Variants in LMF2 observed in about 807,000 individuals in gnomAD.
LMF2 encodes the protein transmembrane protein 112B.
A neutral mutation model predicts 81.5 loss-of-function variants in LMF2; 113 were observed. The observed-to-expected ratio is 1.39, with a 90% CI of 1.19 to 1.62. The LOEUF is 1.62. Among genes scored for constraint, LMF2 ranks in the 40% most tolerant of loss-of-function variants. The probability of loss-of-function intolerance (pLI) is 0.00; values close to 1 mark genes in which losing one functional copy is unlikely to be tolerated. For synonymous variants in LMF2, 645 were observed against 424.5 expected (o/e 1.52, Z -6.39); for missense variants, 1,235 against 929.1 (o/e 1.33, Z -4.28).
Position 50,503,109 on chromosome 22 carries a change from C to A in LMF2, c.*282G>T. ...AGGGTTGGGGGCTCTAGACTCAGAC[C>A]CCCACAGCCCAGGGCAGGGGAAGGG... On this transcript the variant is annotated 3_prime_UTR_variant, in exon 14 of 14. Coordinates refer to ENST00000474879, the MANE Select transcript of LMF2 (RefSeq NM_033200.3). 7.1e-6 allele frequency: 3 copies of A among 424,010 alleles called. No homozygotes were observed. The highest frequency in any genetic ancestry group is 1.3e-5 in the Non-Finnish European group (3 of 238,092). The allele number at this position is 424,010 out of a possible 1,614,324, so 26.3% of individuals were successfully genotyped here.
Position 50,506,890 on chromosome 22 carries a change from C to T in LMF2, c.240G>A (p.Leu80=). The T allele has an allele frequency of 6.3e-7, 1 of 1,585,046 alleles. No individual in the cohort carries two copies. Among genetic ancestry groups the T allele is most frequent in the Non-Finnish European group, 8.6e-7 (1 of 1,166,648 alleles). The change falls in exon 2 of 14, where the codon CTG becomes CTA. Residue 80 remains leucine, a synonymous_variant. Transcript: ENST00000474879. The stretch of plus-strand genomic sequence containing the variant: ...CCACTAGTGCACCCAGCAGGCTCAG[C>T]AGCTCCAGGCCCTGGGCCGTGTCCA... ...LGLDTAQGLE[L]LSLLGALVAL...
At position 50,507,031 on chromosome 22, in the gene LMF2, C is replaced by G; in HGVS notation, c.99G>C (p.Leu33=). The G allele has an allele frequency of 1.9e-6, 3 of 1,592,464 alleles. No homozygotes were observed. Among genetic ancestry groups the G allele is most frequent in the Non-Finnish European group, 2.5e-6 (3 of 1,176,514 alleles). ...FASLYTQIPG[L]YGPEGILPAR... is the part of the protein sequence containing the mutation. ...CAGGTAGGATGCCCTCGGGGCCATA[C>G]AGGCCTGTGGGAGGGCATGTCATGG... Residue 33 remains leucine, a synonymous_variant, in exon 2 of 14, where the codon CTG becomes CTC. Transcript: ENST00000474879.
Position 50,506,391 on chromosome 22 carries a change from G to C in LMF2, c.489C>G (p.His163Gln). Residue 163 changes from histidine (H) to glutamine (Q), a missense_variant, in exon 4 of 14, where the codon CAC becomes CAG. His to Gln is a conservative substitution (Grantham distance 24, BLOSUM62 0). Coordinates refer to ENST00000474879, the MANE Select transcript of LMF2 (RefSeq NM_033200.3). ...GCACCAGCCAGAAGGGGAGGTCTTC[G>C]TGGGGCAGGGCCCCTGCCTGCCTGC... Reference protein sequence around the residue: ...PQGRQAGALPHEDLPFWLVRW... With the variant: ...PQGRQAGALPQEDLPFWLVRW... The C allele has an allele frequency of 1.3e-6, 2 of 1,549,908 alleles. No individual in the cohort carries two copies. The highest frequency in any genetic ancestry group is 2.4e-5 in the East Asian group (1 of 41,044).
Position 50,506,662 on chromosome 22 carries a change from C to T in LMF2, c.353G>A (p.Gly118Asp), listed in dbSNP as rs569914579. 6 of 1,613,420 alleles carry T rather than the reference C, an allele frequency of 3.7e-6. No homozygotes were observed. The highest frequency in any genetic ancestry group is 5.1e-6 in the Non-Finnish European group (6 of 1,179,900). The change falls in exon 3 of 14, where the codon GGC (glycine) becomes GAC (aspartate). Residue 118 changes from glycine (G) to aspartate (D), a missense_variant. Coordinates refer to ENST00000474879, the MANE Select transcript of LMF2 (RefSeq NM_033200.3). Reference protein sequence around the residue: ...WAAYLSACQVGQVFLYFQWDS... With the variant: ...WAAYLSACQVDQVFLYFQWDS... Reference sequence around the variant, plus strand: ...CCACTGGAAATAAAGGAACACCTGGCCCACCTGCGGAGAGAGGGGCTGTCA... The same window carrying T: ...CCACTGGAAATAAAGGAACACCTGGTCCACCTGCGGAGAGAGGGGCTGTCA...
At position 50,503,804 on chromosome 22, in the gene LMF2, T is replaced by G; in HGVS notation, c.1815+4A>C. 1 of 1,604,348 alleles carries G rather than the reference T, an allele frequency of 6.2e-7. No homozygotes were observed. ...CTCCCCCAGCCTGGCTGACACCCCC[T>G]TACCTGTAGTCCAAACTGCCTGAGC... is the stretch of plus-strand genomic sequence containing the variant. On this transcript the variant is annotated splice_donor_region_variant and intron_variant, in intron 13 of 13. Transcript: ENST00000474879.
intron 1 of LMF2, 185 bp from the exon 2 acceptor site, chr22:50,507,220 G>A: frequency 2.0e-6 from 2 of 982,986 alleles, no homozygotes; most frequent in Non-Finnish European, 2.9e-6. Flanking sequence ...CCCGTCCCAG[G>A]GCTAGAGGCC....
Position 50,503,678 on chromosome 22 carries a change from G to C in LMF2, c.1837C>G (p.Arg613Gly). The stretch of plus-strand genomic sequence containing the variant: ...TGGGCCAGGGTGCTGTTGGCGCTGC[G>C]GGTGCGAGGTGGGCTTTTCTCCTGT... ...GLQEKSPPRT[R>G]SANSTLAQAL... The change falls in exon 14 of 14, where the codon CGC becomes GGC. Residue 613 changes from arginine (R) to glycine (G), a missense_variant. Arg to Gly is a moderately radical substitution (Grantham distance 125). Transcript: ENST00000474879. 3.1e-6 allele frequency: 5 copies of C among 1,593,918 alleles called. No individual in the cohort carries two copies. Among genetic ancestry groups the C allele is most frequent in the Non-Finnish European group, 4.3e-6 (5 of 1,175,084 alleles).
Position 50,504,373 on chromosome 22 carries a change from T to A in LMF2, c.1685A>T (p.Tyr562Phe). Residue 562 changes from tyrosine (Y) to phenylalanine (F), a missense_variant, in exon 12 of 14, where the codon TAC (tyrosine) becomes TTC (phenylalanine). Coordinates refer to ENST00000474879, the MANE Select transcript of LMF2 (RefSeq NM_033200.3). ...QPPTYVRAQR[Y>F]KYWFSQPGEQ... is the part of the protein sequence containing the mutation. ...CCCAGGCTGGGAGAACCAGTACTTG[T>A]AGCGCTGGGCTCGGACGTAGGTGGG... 6.2e-7 allele frequency: 1 copy of A among 1,612,024 alleles called. No homozygotes were observed. The highest frequency in any genetic ancestry group is 2.2e-5 in the East Asian group (1 of 44,836).
Position 50,505,553 on chromosome 22 carries a change from G to C in LMF2, c.917-16C>G, listed in dbSNP as rs753445391. On this transcript the variant is annotated splice_polypyrimidine_tract_variant and intron_variant, in intron 6 of 13. Coordinates refer to ENST00000474879, the MANE Select transcript of LMF2 (RefSeq NM_033200.3). Reference sequence around the variant, plus strand: ...TTGGGCCAGGCTGTGGGGCAGGACAGTCATGGGTCAGCAGAGGGTCCCCAG... The same window carrying C: ...TTGGGCCAGGCTGTGGGGCAGGACACTCATGGGTCAGCAGAGGGTCCCCAG... 6.2e-7 allele frequency: 1 copy of C among 1,612,300 alleles called. No homozygotes were observed. Among genetic ancestry groups the C allele is most frequent in the Non-Finnish European group, 8.5e-7 (1 of 1,179,968 alleles).
chr22:50,505,035 C>T (rs778528117), intron 9 of LMF2, 22 bp downstream of exon 9: 3 of 1,612,790 alleles, frequency 1.9e-6, no homozygotes, highest in Non-Finnish European at 1.7e-6. Context: ...AGCCCATCCC[C>T]CAGCCCTGCA....
chr22:50,503,422 C>T lies in LMF2; in HGVS notation c.2093G>A (p.Ser698Asn). 1.2e-6 allele frequency: 2 copies of T among 1,609,886 alleles called. No individual in the cohort carries two copies. Among genetic ancestry groups the T allele is most frequent in the Non-Finnish European group, 1.7e-6 (2 of 1,178,950 alleles). The change falls in exon 14 of 14, where the codon AGT becomes AAT. Residue 698 changes from serine (S) to asparagine (N), a missense_variant. Transcript: ENST00000474879. ...CTTTCGCCGGGTGGTCCTCGAACTACTGGAGCAGGGGTTGGGGGCTGCGGT... is the reference window on the plus strand; with the variant it reads ...CTTTCGCCGGGTGGTCCTCGAACTATTGGAGCAGGGGTTGGGGGCTGCGGT... ...QATAAPNPCSSSSRTTRRKK is the reference protein window; with the variant it reads ...QATAAPNPCSNSSRTTRRKK
Position 50,506,448 on chromosome 22 carries a change from C to T in LMF2, c.432G>A (p.Arg144=), listed in dbSNP as rs1316010622. 5 of 1,550,508 alleles carry T rather than the reference C, an allele frequency of 3.2e-6. No homozygotes were observed. Among genetic ancestry groups the T allele is most frequent in the Non-Finnish European group, 3.5e-6 (4 of 1,148,604 alleles). The change falls in exon 4 of 14, where the codon AGG becomes AGA. Residue 144 remains arginine (R), a synonymous_variant. Coordinates refer to ENST00000474879, the MANE Select transcript of LMF2 (RefSeq NM_033200.3). ...GGGCCTCCTTGCGGTGGGAGGCTGG[C>T]CTCAGCGGGGCCACCAGCACGGCCA... is the stretch of plus-strand genomic sequence containing the variant. The part of the protein sequence containing the change: ...GFLAVLVAPL[R]PASHRKEAPQ...
rs1274826168 is a variant in LMF2 at position 50,503,284 on chromosome 22, G to C, written c.*107C>G. On this transcript the variant is annotated 3_prime_UTR_variant, in exon 14 of 14. Transcript: ENST00000474879. The stretch of plus-strand genomic sequence containing the variant: ...AGGGGCAGCCCCCCAACCTGTGCCT[G>C]GCCCTGCAGGGTCAGCTAAGGCACA... The C allele has an allele frequency of 2.4e-6, 3 of 1,226,092 alleles. No homozygotes were observed. The African/African-American group carries it at 4.6e-5, about 19-fold the overall frequency. The allele number at this position is 1,226,092 out of a possible 1,614,324, so 76.0% of individuals were successfully genotyped here.
chr22:50,507,571 G>A lies in LMF2; in HGVS notation c.94+11C>T, dbSNP rs1224350843. The A allele has an allele frequency of 6.5e-7, 1 of 1,547,342 alleles. No individual in the cohort carries two copies. The highest frequency in any genetic ancestry group is 8.8e-7 in the Non-Finnish European group (1 of 1,141,956). On this transcript the variant is annotated intron_variant, in intron 1 of 13. Coordinates refer to ENST00000474879, the MANE Select transcript of LMF2 (RefSeq NM_033200.3). The stretch of plus-strand genomic sequence containing the variant: ...CCGAGGCTGGGGGTGTCCCACCCTG[G>A]GTGCCTTCACCTGGGATTTGCGTGT...
chr22:50,507,685 G>A lies in LMF2; in HGVS notation c.-10C>T. The stretch of plus-strand genomic sequence containing the variant: ...GCCGGGAGCCCGCCATGTCCGCTAC[G>A]CGGCCCGCTAGAGCAGGGCCCGCCC... On this transcript the variant is annotated 5_prime_UTR_variant, in exon 1 of 14. Transcript: ENST00000474879. The A allele has an allele frequency of 6.5e-7, 1 of 1,547,476 alleles. No homozygotes were observed. The highest frequency in any genetic ancestry group is 2.4e-5 in the East Asian group (1 of 40,928).
At position 50,507,690 on chromosome 22, in the gene LMF2, C is replaced by A; in HGVS notation, c.-15G>T. 1 of 1,545,454 alleles carries A rather than the reference C, an allele frequency of 6.5e-7. No individual in the cohort carries two copies. The highest frequency in any genetic ancestry group is 8.7e-7 in the Non-Finnish European group (1 of 1,144,338). The stretch of plus-strand genomic sequence containing the variant: ...GAGCCCGCCATGTCCGCTACGCGGC[C>A]CGCTAGAGCAGGGCCCGCCCTCCGC... On this transcript the variant is annotated 5_prime_UTR_variant, in exon 1 of 14. Transcript: ENST00000474879.
rs1159377011 is a variant in LMF2, at chr22:50,506,766, C to T, written c.348+16G>A. ...GGGGTTGGAGATAGAGTGAGCTGGT[C>T]ACAGGTCCCACTTGCCTGGCAGGCT... On this transcript the variant is annotated intron_variant, in intron 2 of 13. Coordinates refer to ENST00000474879, the MANE Select transcript of LMF2 (RefSeq NM_033200.3). 1.9e-6 allele frequency: 3 copies of T among 1,612,326 alleles called. No individual in the cohort carries two copies. Among genetic ancestry groups the T allele is most frequent in the African/African-American group, 1.3e-5 (1 of 74,888 alleles).
chr22:50,507,602 G>C lies in LMF2; in HGVS notation c.74C>G (p.Ser25Cys), dbSNP rs1292873938. 1.3e-6 allele frequency: 2 copies of C among 1,565,020 alleles called. No homozygotes were observed. The highest frequency in any genetic ancestry group is 2.4e-5 in the East Asian group (1 of 42,278). The stretch of plus-strand genomic sequence containing the variant: ...TTCACCTGGGATTTGCGTGTAGAGG[G>C]AAGCGAAAGCAAACATGAAGACGGC... ...VAAVFMFAFASLYTQIPGLYG... is the reference protein window; with the variant it reads ...VAAVFMFAFACLYTQIPGLYG... Residue 25 changes from serine (S) to cysteine (C), a missense_variant, in exon 1 of 14, where the codon TCC (serine) becomes TGC (cysteine). By Grantham distance (112) the Ser-to-Cys change is moderately radical (BLOSUM62 -1). Transcript: ENST00000474879.
chr22:50,504,384 T>C lies in LMF2; in HGVS notation c.1674A>G (p.Arg558=), dbSNP rs1369132050. The change falls in exon 12 of 14, where the codon CGA becomes CGG. Residue 558 remains arginine, a synonymous_variant. Coordinates refer to ENST00000474879, the MANE Select transcript of LMF2 (RefSeq NM_033200.3). ...AGAACCAGTACTTGTAGCGCTGGGCTCGGACGTAGGTGGGCGGCTGCTTGT... is the reference window on the plus strand; with the variant it reads ...AGAACCAGTACTTGTAGCGCTGGGCCCGGACGTAGGTGGGCGGCTGCTTGT... The part of the protein sequence containing the change: ...PFHKQPPTYV[R]AQRYKYWFSQ... 2 of 1,612,080 alleles carry C rather than the reference T, an allele frequency of 1.2e-6. No homozygotes were observed. The highest frequency in any genetic ancestry group is 2.2e-5 in the South Asian group (2 of 91,066).
Sources: allele counts gnomAD v4.1 joint callset, GRCh38; gene constraint gnomAD v4.1.1; transcripts MANE v1.5; gene names NCBI Gene and HGNC (gene_info 2026-07-23, HGNC 2026-07-21).